Variants in SUCO observed in about 807,000 individuals in gnomAD.
The protein encoded by SUCO is SUN domain containing ossification factor, also known as SUN domain-containing ossification factor.
SUCO carries 57 observed loss-of-function variants against 148.1 expected under a neutral mutation model. That is an observed-to-expected ratio of 0.38 (90% CI 0.31 to 0.48). The LOEUF (loss-of-function observed/expected upper bound fraction) is 0.48, where lower values mean the gene tolerates loss of function less well. SUCO is among the 20% of genes least tolerant of loss of function. The pLI, the probability that SUCO is intolerant of heterozygous loss-of-function variation, is 0.96. For missense variants in SUCO, 1,331 were observed against 1,468.2 expected, an observed-to-expected ratio of 0.91 and a Z score of 1.53; for synonymous variants, 470 against 502.7, an observed-to-expected ratio of 0.93 and a Z score of 0.87.
At chr1:172,608,725 T>C (rs1439818341) in intron 22 of SUCO, 22 bp from the exon 23 acceptor site, 2 of 159,742 alleles carry the variant, frequency 1.3e-5, no homozygotes, top group African/African-American at 3.8e-5. Flanking sequence ...TTACATCTGC[T>C]TTTTTTTTTT....
intron 19 of SUCO, among the ~76,000 whole-genome samples, chr1:172,591,593 T>C (rs1171318291): frequency 1.3e-5 from 2 of 152,054 alleles, no homozygotes; most frequent in Non-Finnish European, 2.9e-5. Flanking sequence ...TCCATGTCCC[T>C]GCAAAGGACA....
In SUCO at chr1:172,569,155, T is replaced by G; in HGVS notation, c.856+13T>G. On this transcript the variant is annotated intron_variant, in intron 7 of 23. Coordinates refer to ENST00000263688, the MANE Select transcript of SUCO (RefSeq NM_014283.5). ...GAAAAAGAAAAAAGTAAGGAAGTAT[T>G]TGAGTTCTTTAAATTTTTTTTTTAA... The G allele has an allele frequency of 6.6e-7, 1 of 1,523,282 alleles. No individual in the cohort carries two copies. 94.4% of individuals were successfully genotyped at this position (1,523,282 alleles called of 1,614,324 possible).
intron 6 of SUCO, among the ~76,000 whole-genome samples, chr1:172,562,913 G>A (rs1654287474): frequency 6.6e-6 from 1 of 152,114 alleles, no homozygotes; most frequent in Non-Finnish European, 1.5e-5. Context: ...TGCTGTTCTT[G>A]TGATAGTGAC....
At chr1:172,602,993 G>A (rs1038409432) in intron 22 of SUCO, 1 of 472,454 alleles carries the variant, frequency 2.1e-6, no homozygotes, top group East Asian at 3.4e-5. Flanking sequence ...AGGGAGGGGG[G>A]CTTAGTTTAA....
intron 6 of SUCO, 46 bp from the exon 7 acceptor site, chr1:172,568,973 A>G: frequency 6.7e-7 from 1 of 1,486,904 alleles, no homozygotes; most frequent in Non-Finnish European, 9.0e-7. Flanking sequence ...ATTTATTTGT[A>G]TTATTTGAAA....
chr1:172,583,425 C>T (rs902068515), intron 15 of SUCO, among the ~76,000 whole-genome samples: 2 of 152,120 alleles, frequency 1.3e-5, no homozygotes, highest in South Asian at 4.1e-4. Context: ...CTCATAATTT[C>T]GTGAAGATCA....
At chr1:172,540,854 A>G (rs1571175175) in intron 1 of SUCO, among the ~76,000 whole-genome samples, 1 of 152,322 alleles carries the variant, frequency 6.6e-6, no homozygotes, top group African/African-American at 2.4e-5. Flanking sequence ...GATATGGGTA[A>G]GAGTGGTAGT....
intron 10 of SUCO, among the ~76,000 whole-genome samples, chr1:172,574,484 A>G (rs549149408): frequency 3.9e-5 from 6 of 151,924 alleles, no homozygotes; most frequent in African/African-American, 1.5e-4. Flanking sequence ...AAATAAATAT[A>G]TGTTGTGAGG....
chr1:172,595,420 A>G (rs1431483491), intron 19 of SUCO, among the ~76,000 whole-genome samples: 1 of 152,160 alleles, frequency 6.6e-6, no homozygotes, highest in Non-Finnish European at 1.5e-5. Flanking sequence ...GCTGGTACCA[A>G]TCGTTCCTTT....
Position 172,610,454 on chromosome 1 carries a change from TC to T in SUCO, c.*196del. 1 of 754,738 alleles carries T rather than the reference TC, an allele frequency of 1.3e-6. No individual in the cohort carries two copies. Among genetic ancestry groups the T allele is most frequent in the Non-Finnish European group, 1.9e-6 (1 of 513,964 alleles). The allele number at this position is 754,738 out of a possible 1,614,324, so 46.8% of individuals were successfully genotyped here. The stretch of plus-strand genomic sequence containing the variant: ...ATGAGCTACAGTTTTACAAAGCTGA[TC>T]ACTTCCTATAAGGACAATGGTAGAC... On this transcript the variant is annotated 3_prime_UTR_variant, in exon 24 of 24. Transcript: ENST00000263688.
chr1:172,556,881 G>A (rs1653794746), intron 4 of SUCO: 1 of 886,360 alleles, frequency 1.1e-6, no homozygotes, highest in Non-Finnish European at 1.4e-6. Flanking sequence ...GGGAAAAATA[G>A]GAAGGTTTAT....
chr1:172,564,453 G>A (rs1654414104), intron 6 of SUCO, among the ~76,000 whole-genome samples: 1 of 152,166 alleles, frequency 6.6e-6, no homozygotes, highest in African/African-American at 2.4e-5. Flanking sequence ...GTTTAAAAGT[G>A]TGTTGCACTT....
intron 1 of SUCO, among the ~76,000 whole-genome samples, chr1:172,549,551 A>AT (rs1016612598): frequency 3.3e-5 from 5 of 151,834 alleles, no homozygotes; most frequent in Non-Finnish European, 7.4e-5. Flanking sequence ...TTTAAAAGGT[A>AT]TTTTTTTCTC....
chr1:172,557,274 T>C lies in SUCO; in HGVS notation c.444-6T>C. ...ACCAGATTATGTTTCTTGTTTCTTT[T>C]TTTAGTGAAATAGAAAAATCTGGTA... On this transcript the variant is annotated splice_region_variant and splice_polypyrimidine_tract_variant and intron_variant, in intron 4 of 23. Transcript: ENST00000263688. 6.2e-7 allele frequency: 1 copy of C among 1,610,700 alleles called. No individual in the cohort carries two copies. Among genetic ancestry groups the C allele is most frequent in the Non-Finnish European group, 8.5e-7 (1 of 1,178,648 alleles).
chr1:172,585,952 A>G lies in SUCO; in HGVS notation c.1658+4A>G. ...CAACTCCTGTTCCATCTCCTGAGTA[A>G]GTTATAATGTGATATTAAATAGAAT... is the stretch of plus-strand genomic sequence containing the variant. On this transcript the variant is annotated splice_donor_region_variant and intron_variant, in intron 17 of 23. Transcript: ENST00000263688. 1 of 1,570,760 alleles carries G rather than the reference A, an allele frequency of 6.4e-7. No homozygotes were observed. The highest frequency in any genetic ancestry group is 8.7e-7 in the Non-Finnish European group (1 of 1,151,108).
At chr1:172,603,720 T>C (rs984465646) in intron 22 of SUCO, among the ~76,000 whole-genome samples, 3 of 151,992 alleles carry the variant, frequency 2.0e-5, no homozygotes, top group African/African-American at 7.2e-5. Context: ...AATTAAGAAG[T>C]AGAACATGAG....
At position 172,591,084 on chromosome 1, in the gene SUCO, A is replaced by G; in HGVS notation, c.2913+13A>G. ...AGCAGAGGAGCAGGTTGGTTTCTAC[A>G]TCCCTTATTTACTTTTTATATAAAT... On this transcript the variant is annotated intron_variant, in intron 19 of 23. Transcript: ENST00000263688. 6.3e-7 allele frequency: 1 copy of G among 1,588,056 alleles called. No homozygotes were observed. The highest frequency in any genetic ancestry group is 1.1e-5 in the South Asian group (1 of 88,998).
chr1:172,532,573 C>G (rs745695958), upstream of SUCO: 1 of 1,613,846 alleles, frequency 6.2e-7, no homozygotes, highest in African/African-American at 1.3e-5. Context: ...CAGCTTCCCT[C>G]ACAACACACA....
intron 3 of SUCO, 112 bp from the exon 4 acceptor site, chr1:172,555,757 A>T (rs1239713298): frequency 3.5e-6 from 3 of 852,856 alleles, no homozygotes; most frequent in African/African-American, 3.4e-5. Flanking sequence ...TTTTTAGTGA[A>T]CATTGTTTAT....
Sources: gnomAD v4.1 joint callset for allele counts (sites outside exome capture counted in the v4.1 genomes callset) on GRCh38, gnomAD v4.1.1 for gene constraint, MANE v1.5 for transcripts, NCBI Gene and HGNC (gene_info 2026-07-23, HGNC 2026-07-21) for gene names.